Variants in SLC7A8 observed in about 807,000 individuals in gnomAD.
SLC7A8 encodes the protein solute carrier family 7 member 8.
In SLC7A8, 30 loss-of-function variants were observed where a neutral mutation model predicts 51.2. The observed-to-expected ratio is 0.59, with a 90% CI of 0.44 to 0.80. The LOEUF (loss-of-function observed/expected upper bound fraction) is 0.80. SLC7A8 is among the 30% of genes least tolerant of loss of function. The pLI, the probability that SLC7A8 is intolerant of heterozygous loss-of-function variation, is 0.00. For missense variants in SLC7A8, 612 were observed against 674.4 expected (o/e 0.91, Z 1.03); for synonymous variants, 257 against 275.8 (o/e 0.93, Z 0.67).
At chr14:23,134,466 G>T (rs1049340522) in intron 7 of SLC7A8, among the ~76,000 whole-genome samples, 3 of 139,604 alleles carry the variant, frequency 2.1e-5, no homozygotes, top group South Asian at 2.3e-4. Context: ...AAAAAGAAAA[G>T]ATAAGGAAAA....
chr14:23,160,924 T>A (rs1430765605), intron 3 of SLC7A8, among the ~76,000 whole-genome samples: 1 of 150,776 alleles, frequency 6.6e-6, no homozygotes, highest in African/African-American at 2.4e-5. Flanking sequence ...GCTTTTTATT[T>A]AATTAAAATG....
chr14:23,128,273 C>G lies in SLC7A8; in HGVS notation c.1264-77G>C, dbSNP rs573839136. On this transcript the variant is annotated intron_variant, in intron 9 of 10. Transcript: ENST00000316902. This position sits in a 1 kb window ranked among gnomAD's most constrained non-coding sequence, Gnocchi z 4.3. ...AGGACTAGGGACTGGGGCATTCTCT[C>G]TCTTCTTCACCCACAGAGACACATC... 3.5e-5 allele frequency: 56 copies of G among 1,581,144 alleles called. No homozygotes were observed. The South Asian group carries it at 4.0e-4, about 11-fold the overall frequency.
At chr14:23,137,540 G>T (rs1171822230) in intron 7 of SLC7A8, among the ~76,000 whole-genome samples, 1 of 152,130 alleles carries the variant, frequency 6.6e-6, no homozygotes, top group Non-Finnish European at 1.5e-5. Context: ...TTCTTTTCTA[G>T]CCAGCAGCAG....
At chr14:23,147,167 C>T (rs2048804017) in intron 3 of SLC7A8, among the ~76,000 whole-genome samples, 1 of 151,852 alleles carries the variant, frequency 6.6e-6, no homozygotes, top group South Asian at 2.1e-4. Context: ...ACCCACCCAT[C>T]TATCCATCTA....
intron 3 of SLC7A8, among the ~76,000 whole-genome samples, chr14:23,162,550 G>T (rs530526036): frequency 1.3e-5 from 2 of 152,304 alleles, no homozygotes; most frequent in South Asian, 4.1e-4. Flanking sequence ...GGGGGGTCTT[G>T]TCATTTTTGT....
At chr14:23,154,804 CCTT>C (rs1221462124) in intron 3 of SLC7A8, among the ~76,000 whole-genome samples, 1 of 152,030 alleles carries the variant, frequency 6.6e-6, no homozygotes, top group East Asian at 1.9e-4. Context: ...CTCCTAGAAT[CCTT>C]CTCTATTCCC....
At chr14:23,163,077 G>A (rs1242673610) in intron 3 of SLC7A8, among the ~76,000 whole-genome samples, 2 of 152,076 alleles carry the variant, frequency 1.3e-5, no homozygotes, top group East Asian at 1.9e-4. Flanking sequence ...GCATTCCCAC[G>A]CCCTCGCTCT....
intron 1 of SLC7A8, among the ~76,000 whole-genome samples, chr14:23,167,486 G>T (rs940169638): frequency 2.0e-5 from 3 of 152,032 alleles, no homozygotes; most frequent in Admixed American, 1.3e-4. Context: ...ATCCACTTCT[G>T]CTTGTGTGCA....
At chr14:23,127,405 T>C in intron 10 of SLC7A8, 62 bp from the exon 11 acceptor site, 2 of 1,585,450 alleles carry the variant, frequency 1.3e-6, no homozygotes, top group Non-Finnish European at 1.7e-6. Context: ...CCTGGCCAAG[T>C]GGCCCCGGCC....
At chr14:23,130,654 C>T (rs759137206) in intron 8 of SLC7A8, among the ~76,000 whole-genome samples, 6 of 152,190 alleles carry the variant, frequency 3.9e-5, no homozygotes, top group Non-Finnish European at 7.3e-5. Context: ...CAGCCACCTT[C>T]GACAACCAAC....
In SLC7A8 at chr14:23,139,474, C is replaced by T; in HGVS notation, c.862G>A (p.Val288Ile). 2 of 1,614,126 alleles carry T rather than the reference C, an allele frequency of 1.2e-6. No individual in the cohort carries two copies. Among genetic ancestry groups the T allele is most frequent in the East Asian group, 2.2e-5 (1 of 44,872 alleles). The change falls in exon 6 of 11, where the codon GTC (valine) becomes ATC (isoleucine). Residue 288 changes from valine (V) to isoleucine (I), a missense_variant. By Grantham distance (29) the Val-to-Ile change is conservative (BLOSUM62 3). Coordinates refer to ENST00000316902, the MANE Select transcript of SLC7A8 (RefSeq NM_012244.4). ...AGCTCCTGGGGGGACATTGCAGTGACATAAGCGACATTGGCAAAGACATAC... is the reference window on the plus strand; with the variant it reads ...AGCTCCTGGGGGGACATTGCAGTGATATAAGCGACATTGGCAAAGACATAC... The part of the protein sequence containing the change: ...FVYVFANVAY[V>I]TAMSPQELLA...
chr14:23,161,485 C>G (rs1183373582), intron 3 of SLC7A8, among the ~76,000 whole-genome samples: 1 of 68,048 alleles, frequency 1.5e-5, no homozygotes, highest in African/African-American at 2.9e-5. Context: ...TACGCCACAC[C>G]GGAACTCTCT....
chr14:23,172,537 C>T (rs1166094176), intron 1 of SLC7A8, among the ~76,000 whole-genome samples: 1 of 152,104 alleles, frequency 6.6e-6, no homozygotes, highest in Non-Finnish European at 1.5e-5. Context: ...CTGAGTGTTG[C>T]GCCCTCAAAT....
At chr14:23,133,410 C>T (rs2140304814) in intron 7 of SLC7A8, among the ~76,000 whole-genome samples, 1 of 140,566 alleles carries the variant, frequency 7.1e-6, no homozygotes, top group South Asian at 2.2e-4. Flanking sequence ...CATTGCACTC[C>T]ACCCTAGGCA....
intron 3 of SLC7A8, among the ~76,000 whole-genome samples, chr14:23,158,911 C>G (rs2140330773): frequency 6.6e-6 from 1 of 152,234 alleles, no homozygotes; most frequent in East Asian, 1.9e-4. Flanking sequence ...CTTTTCTTTC[C>G]CAAATGTGAA....
chr14:23,176,060 T>C (rs1251164360), intron 1 of SLC7A8, among the ~76,000 whole-genome samples: 2 of 152,148 alleles, frequency 1.3e-5, no homozygotes, highest in African/African-American at 4.8e-5. Context: ...TTTGTGTGAG[T>C]GTATTTGTAT....
At chr14:23,179,459 T>C (rs1877064560) in intron 1 of SLC7A8, among the ~76,000 whole-genome samples, 1 of 151,020 alleles carries the variant, frequency 6.6e-6, no homozygotes, top group Admixed American at 6.6e-5. Flanking sequence ...GTCAGTAAGG[T>C]ATGAGAGAGA....
chr14:23,141,512 C>T (rs1050139193), intron 4 of SLC7A8, among the ~76,000 whole-genome samples: 6 of 152,252 alleles, frequency 3.9e-5, no homozygotes, highest in Middle Eastern at 3.4e-3. Context: ...TGCAGTGGCG[C>T]GATCTCAGCT....
chr14:23,178,794 G>A (rs59057780), intron 1 of SLC7A8, among the ~76,000 whole-genome samples: 12,649 of 150,458 alleles, frequency 0.084, 772 homozygotes, highest in African/African-American at 0.17. Flanking sequence ...CTACTTGGGA[G>A]GCTGAGGTGG....
Sources: gnomAD v4.1 joint callset for allele counts (sites outside exome capture counted in the v4.1 genomes callset) on GRCh38, gnomAD v4.1.1 for gene constraint, Gnocchi (gnomAD v3.1) non-coding constraint, MANE v1.5 for transcripts, NCBI Gene and HGNC (gene_info 2026-07-23, HGNC 2026-07-21) for gene names.